HOXB3: variants seen among roughly 807,000 people sequenced by gnomAD.
HOXB3 encodes homeobox protein Hox-B3.
In HOXB3, 17 loss-of-function variants were observed where a neutral mutation model predicts 29.2. That is an observed-to-expected ratio of 0.58 (90% CI 0.40 to 0.87). The LOEUF (loss-of-function observed/expected upper bound fraction) is 0.87, where lower values mean the gene tolerates loss of function less well. Among genes scored for constraint, HOXB3 ranks in the 40% least tolerant of loss-of-function variants. The probability of loss-of-function intolerance (pLI) is 0.00; values close to 1 mark genes in which losing one functional copy is unlikely to be tolerated. For missense variants in HOXB3, 637 were observed against 616.3 expected (o/e 1.03, Z -0.35); for synonymous variants, 317 against 285.9 (o/e 1.11, Z -1.10).
At chr17:48,551,724 G>T (rs1220701629) in intron 4 of HOXB3, among the ~76,000 whole-genome samples, 1 of 152,248 alleles carries the variant, frequency 6.6e-6, no homozygotes. Context: ...ATAATCAATC[G>T]TTGACGACTC....
intron 2 of HOXB3, among the ~76,000 whole-genome samples, chr17:48,561,521 T>C (rs2144805932): frequency 6.6e-6 from 1 of 152,346 alleles, no homozygotes; most frequent in South Asian, 2.1e-4. Context: ...CAAATAAACA[T>C]GCAGTAACTT....
intron 1 of HOXB3, chr17:48,582,596 C>G (rs1333562596): frequency 6.6e-6 from 1 of 152,236 alleles, no homozygotes; most frequent in Non-Finnish European, 1.5e-5. Context: ...TCTCTCCCAG[C>G]CTCCCCCACG....
chr17:48,551,715 TAATC>T (rs541361584), intron 4 of HOXB3, among the ~76,000 whole-genome samples: 254 of 152,352 alleles, frequency 1.7e-3, no homozygotes, highest in Non-Finnish European at 2.7e-3. Context: ...TACTTAATAA[TAATC>T]AATCGTTGAC....
intron 1 of HOXB3, among the ~76,000 whole-genome samples, chr17:48,587,045 C>G (rs1173078073): frequency 1.3e-5 from 2 of 152,122 alleles, no homozygotes; most frequent in African/African-American, 4.8e-5. Context: ...CCATTACCAC[C>G]ATGAGACTTG....
intron 1 of HOXB3, among the ~76,000 whole-genome samples, chr17:48,577,591 CTG>C (rs1044781555): frequency 6.6e-6 from 1 of 152,222 alleles, no homozygotes; most frequent in African/African-American, 2.4e-5. Flanking sequence ...TTCATTAAGA[CTG>C]TATCTCCCTG....
chr17:48,581,788 T>G (rs1313819344), intron 1 of HOXB3: 1 of 151,852 alleles, frequency 6.6e-6, no homozygotes, highest in African/African-American at 2.4e-5. Context: ...GAGCAGAGAT[T>G]TTTCTCCTCT....
chr17:48,572,961 T>C (rs2069634987), intron 2 of HOXB3, among the ~76,000 whole-genome samples: 1 of 152,116 alleles, frequency 6.6e-6, no homozygotes, highest in African/African-American at 2.4e-5. Context: ...GGCCTCTCCA[T>C]GAACTCTCTC....
At chr17:48,557,822 T>G (rs1597823655) in intron 2 of HOXB3, among the ~76,000 whole-genome samples, 1 of 152,186 alleles carries the variant, frequency 6.6e-6, no homozygotes, top group East Asian at 1.9e-4. Context: ...AGACCTAGAC[T>G]TGGGGCTCAA....
intron 2 of HOXB3, among the ~76,000 whole-genome samples, chr17:48,564,467 G>A (rs2069318793): frequency 3.3e-5 from 5 of 152,108 alleles, no homozygotes; most frequent in Admixed American, 3.3e-4. Context: ...GGCCTCCAGG[G>A]CCCCAGGAGC....
At chr17:48,577,418 C>T (rs2069802462) in intron 1 of HOXB3, among the ~76,000 whole-genome samples, 1 of 152,158 alleles carries the variant, frequency 6.6e-6, no homozygotes, top group African/African-American at 2.4e-5. Context: ...CCAAGCAGTG[C>T]CTACCCCTAC....
At chr17:48,580,046 T>C in intron 1 of HOXB3, 1 of 421,508 alleles carries the variant, frequency 2.4e-6, no homozygotes, top group South Asian at 1.8e-5. Flanking sequence ...TGTTCTAGTT[T>C]TGAGCTCTGG....
In HOXB3 at chr17:48,590,130, G is replaced by C. The variant is rs2070121942; in HGVS notation, c.-430C>G. 1 of 152,272 alleles carries C rather than the reference G, an allele frequency of 6.6e-6. No individual in the cohort carries two copies. Among genetic ancestry groups the C allele is most frequent in the Non-Finnish European group, 1.5e-5 (1 of 68,074 alleles). The allele number at this position is 152,272 out of a possible 1,614,324, so 9.4% of individuals were successfully genotyped here. ...GAAAGCTGAAAGCGACTTACTGCGG[G>C]AATGCTGGCCTGGGCCGCCGCTGCC... On this transcript the variant is annotated 5_prime_UTR_variant, in exon 1 of 5. Transcript: ENST00000498678.
At chr17:48,586,968 G>T (rs2070059293) in intron 1 of HOXB3, among the ~76,000 whole-genome samples, 1 of 152,180 alleles carries the variant, frequency 6.6e-6, no homozygotes, top group Non-Finnish European at 1.5e-5. Context: ...ACCCACCAGA[G>T]ACAAGGAAGA....
chr17:48,576,718 G>C lies in HOXB3; in HGVS notation c.-424-2704C>G, dbSNP rs2069775815. On this transcript the variant is annotated intron_variant, in intron 1 of 4. Transcript: ENST00000498678. ...GAGGTTCGTGGCTCCCGCGTGCGGGGGCACTAGAGCGCGCGGGGGCCTCCA... is the reference window on the plus strand; with the variant it reads ...GAGGTTCGTGGCTCCCGCGTGCGGGCGCACTAGAGCGCGCGGGGGCCTCCA... 3 of 1,594,666 alleles carry C rather than the reference G, an allele frequency of 1.9e-6. No individual in the cohort carries two copies. In the African/African-American group the frequency reaches 4.0e-5, roughly 21 times the overall value.
chr17:48,587,867 T>G (rs4793938), intron 1 of HOXB3, among the ~76,000 whole-genome samples: 20,701 of 152,232 alleles, frequency 0.14, 1,521 homozygotes, highest in Non-Finnish European at 0.17. Flanking sequence ...CAGGCTGGCC[T>G]CAGAGGGAAA....
At position 48,551,090 on chromosome 17, in the gene HOXB3, C is replaced by T; in HGVS notation, c.540G>A (p.Lys180=). 6.9e-7 allele frequency: 1 copy of T among 1,450,282 alleles called. No individual in the cohort carries two copies. Among genetic ancestry groups the T allele is most frequent in the African/African-American group, 1.5e-5 (1 of 68,444 alleles). 89.8% of individuals were successfully genotyped at this position (1,450,282 alleles called of 1,614,324 possible). A position where few individuals can be genotyped will look rare whatever the true frequency, so the allele number is the denominator to read the frequency against. The change falls in exon 5 of 5, where the codon AAG becomes AAA. Residue 180 remains lysine (K), a synonymous_variant. Coordinates refer to ENST00000498678, the MANE Select transcript of HOXB3 (RefSeq NM_001384749.1). ...GGGGGGGGGD[K]SPPGSAASKR... ...TGGACGCCGCCGACCCCGGGGGGCT[C>T]TTGTCCCCTCCCCCGCCGCCGCCGC...
intron 1 of HOXB3, among the ~76,000 whole-genome samples, chr17:48,584,806 G>C (rs540657528): frequency 6.6e-6 from 1 of 151,910 alleles, no homozygotes; most frequent in African/African-American, 2.4e-5. Flanking sequence ...CCAGATATCT[G>C]CCTCTTCGCT....
chr17:48,558,132 GAGAGA>G (rs995632170), intron 2 of HOXB3, among the ~76,000 whole-genome samples: 3 of 152,170 alleles, frequency 2.0e-5, no homozygotes, highest in Non-Finnish European at 2.9e-5. Flanking sequence ...TTGTAAAACT[GAGAGA>G]AGAGGAGAAC....
intron 2 of HOXB3, among the ~76,000 whole-genome samples, chr17:48,569,917 T>C (rs73985874): frequency 0.018 from 2,747 of 152,298 alleles, 96 homozygotes; most frequent in African/African-American, 0.064. Context: ...GACTGACCGT[T>C]TGAAAATAGA....
Sources: allele counts gnomAD v4.1 joint callset (sites outside exome capture counted in the v4.1 genomes callset), GRCh38; gene constraint gnomAD v4.1.1; transcripts MANE v1.5; gene names NCBI Gene and HGNC (gene_info 2026-07-23, HGNC 2026-07-21).